PPP2R5A: variants seen among roughly 807,000 people sequenced by gnomAD.
PPP2R5A encodes the protein protein phosphatase 2 regulatory subunit B'alpha, also known as serine/threonine-protein phosphatase 2A 56 kDa regulatory subunit alpha isoform.
A neutral mutation model predicts 64.2 loss-of-function variants in PPP2R5A; 25 were observed. That is an observed-to-expected ratio of 0.39 (90% CI 0.28 to 0.54). The LOEUF is 0.54. PPP2R5A is among the 20% of genes least tolerant of loss of function. PPP2R5A has a pLI of 0.67. For synonymous variants in PPP2R5A, 198 were observed against 201.2 expected (o/e 0.98, Z 0.13); for missense variants, 425 against 576.3 (o/e 0.74, Z 2.69).
intron 1 of PPP2R5A, chr1:212,319,278 G>A (rs940471043): frequency 3.9e-4 from 60 of 152,326 alleles, no homozygotes; most frequent in African/African-American, 1.3e-3. Context: ...GCTATAAGGT[G>A]TTGTGAATTT....
intron 1 of PPP2R5A, among the ~76,000 whole-genome samples, chr1:212,328,406 A>G (rs1276741235): frequency 6.6e-6 from 1 of 152,224 alleles, no homozygotes; most frequent in Non-Finnish European, 1.5e-5. Context: ...GAAGAAGGGC[A>G]TTCCAGACAG....
rs1245658633 is a variant in PPP2R5A, at chr1:212,361,100, T to C, written c.*330T>C. ...AATTCTTCTTTGATTGTGTTGCACATAGATATGGTAGTCTGCTCTGTATAT... is the reference window on the plus strand; with the variant it reads ...AATTCTTCTTTGATTGTGTTGCACACAGATATGGTAGTCTGCTCTGTATAT... On this transcript the variant is annotated 3_prime_UTR_variant, in exon 13 of 13. Coordinates refer to ENST00000261461, the MANE Select transcript of PPP2R5A (RefSeq NM_006243.4). 1 of 172,116 alleles carries C rather than the reference T, an allele frequency of 5.8e-6. No individual in the cohort carries two copies. The highest frequency in any genetic ancestry group is 1.2e-5 in the Non-Finnish European group (1 of 81,006). The allele number at this position is 172,116 out of a possible 1,614,324, so 10.7% of individuals were successfully genotyped here.
At chr1:212,351,920 T>G (rs1207208863) in intron 8 of PPP2R5A, among the ~76,000 whole-genome samples, 2 of 151,858 alleles carry the variant, frequency 1.3e-5, no homozygotes, top group African/African-American at 4.8e-5. Context: ...ACCGTTCTTA[T>G]TCCAAGAAAA....
chr1:212,348,531 AT>A, intron 7 of PPP2R5A, 34 bp downstream of exon 7: 1 of 1,373,654 alleles, frequency 7.3e-7, no homozygotes, highest in Non-Finnish European at 1.0e-6. Context: ...TGAAATGAAT[AT>A]TATTTCAAAG....
Position 212,333,609 on chromosome 1 carries a change from T to C in PPP2R5A, c.480+11T>C. On this transcript the variant is annotated intron_variant, in intron 3 of 12. Transcript: ENST00000261461. ...TGGCCTCACATACAGGTATGGAACA[T>C]AATTACGTATTGGCAGTTTTTATAT... 1.4e-6 allele frequency: 2 copies of C among 1,419,414 alleles called. No individual in the cohort carries two copies. The highest frequency in any genetic ancestry group is 2.4e-5 in the East Asian group (1 of 41,868). 87.9% of individuals were successfully genotyped at this position (1,419,414 alleles called of 1,614,324 possible).
chr1:212,309,592 T>A, intron 1 of PPP2R5A: 1 of 655,892 alleles, frequency 1.5e-6, no homozygotes, highest in South Asian at 1.7e-5. Flanking sequence ...TACTTTAAAG[T>A]CATATATTCT....
chr1:212,316,587 C>CTTTTT (rs751228809), intron 1 of PPP2R5A, among the ~76,000 whole-genome samples: 10 of 36,690 alleles, frequency 2.7e-4, no homozygotes, highest in African/African-American at 7.2e-4. Context: ...TTGTGGGTGA[C>CTTTTT]TTTTTTTTTT....
In PPP2R5A at chr1:212,329,302, G is replaced by C; in HGVS notation, c.349G>C (p.Glu117Gln). Residue 117 changes from glutamate to glutamine, a missense_variant, in exon 2 of 13, where the codon GAA (glutamate) becomes CAA (glutamine). Physicochemically the swap from Glu to Gln is conservative, Grantham distance 29. Transcript: ENST00000261461. ...YVSTNRGVIV[E>Q]SAYSDIVKMI... The stretch of plus-strand genomic sequence containing the variant: ...TTCAACTAATCGTGGTGTAATTGTT[G>C]AATCAGCGTATTCTGATATAGTAAA... The C allele has an allele frequency of 1.2e-6, 2 of 1,605,432 alleles. No individual in the cohort carries two copies. The highest frequency in any genetic ancestry group is 2.7e-5 in the African/African-American group (2 of 74,632).
intron 1 of PPP2R5A, among the ~76,000 whole-genome samples, chr1:212,303,438 T>G (rs912938618): frequency 4.6e-5 from 7 of 152,208 alleles, no homozygotes; most frequent in Non-Finnish European, 8.8e-5. Flanking sequence ...AATTGTTATT[T>G]GTCTTTTTAT....
At chr1:212,333,065 C>A (rs1387681740) in intron 2 of PPP2R5A, among the ~76,000 whole-genome samples, 3 of 151,886 alleles carry the variant, frequency 2.0e-5, no homozygotes, top group Non-Finnish European at 4.4e-5. Context: ...CCATGCCTAG[C>A]TAATTTTTGT....
At chr1:212,317,330 G>A (rs1179822223) in intron 1 of PPP2R5A, among the ~76,000 whole-genome samples, 2 of 132,094 alleles carry the variant, frequency 1.5e-5, no homozygotes, top group Non-Finnish European at 3.3e-5. Flanking sequence ...AATCTCTAAT[G>A]GGTAACGATT....
At chr1:212,301,878 TAGC>T (rs1368174343) in intron 1 of PPP2R5A, 43 of 1,316,178 alleles carry the variant, frequency 3.3e-5, no homozygotes, top group Non-Finnish European at 4.0e-5. Flanking sequence ...TCAAGTATGT[TAGC>T]AGCAGTAATT....
At chr1:212,336,272 T>C (rs1395530597) in intron 3 of PPP2R5A, among the ~76,000 whole-genome samples, 1 of 152,094 alleles carries the variant, frequency 6.6e-6, no homozygotes, top group African/African-American at 2.4e-5. Context: ...CTTGCCACCA[T>C]GCCCAGCTAA....
At chr1:212,321,556 C>A (rs1013482577) in intron 1 of PPP2R5A, among the ~76,000 whole-genome samples, 3 of 147,240 alleles carry the variant, frequency 2.0e-5, no homozygotes, top group Non-Finnish European at 4.5e-5. Context: ...TCAGACGGGG[C>A]GGCCGGGCAG....
chr1:212,320,337 G>A (rs1252369398), intron 1 of PPP2R5A, among the ~76,000 whole-genome samples: 1 of 152,180 alleles, frequency 6.6e-6, no homozygotes, highest in Non-Finnish European at 1.5e-5. Flanking sequence ...AGTCTCCCAT[G>A]TCTACCTCTT....
At position 212,360,849 on chromosome 1, in the gene PPP2R5A, C is replaced by T; in HGVS notation, c.*79C>T. 7.2e-7 allele frequency: 1 copy of T among 1,384,736 alleles called. No individual in the cohort carries two copies. Among genetic ancestry groups the T allele is most frequent in the Non-Finnish European group, 9.6e-7 (1 of 1,043,972 alleles). The allele number at this position is 1,384,736 out of a possible 1,614,324, so 85.8% of individuals were successfully genotyped here. On this transcript the variant is annotated 3_prime_UTR_variant, in exon 13 of 13. Coordinates refer to ENST00000261461, the MANE Select transcript of PPP2R5A (RefSeq NM_006243.4). ...AATATGTAAAAATTACAAAACAAAC[C>T]TCATCAGTATAATATAATTAAAAGG...
At chr1:212,329,100 G>A in intron 1 of PPP2R5A, 35 bp from the exon 2 acceptor site, 1 of 1,383,280 alleles carries the variant, frequency 7.2e-7, no homozygotes. Context: ...TTCTGAGTAG[G>A]TTATTTCTAA....
intron 4 of PPP2R5A, among the ~76,000 whole-genome samples, chr1:212,345,059 G>T (rs1446170774): frequency 2.0e-5 from 3 of 151,852 alleles, no homozygotes; most frequent in Admixed American, 1.3e-4. Flanking sequence ...CAGCTAGTTG[G>T]GAGGCTGAGG....
chr1:212,348,497 G>GCTAGCATATTGTGTT lies in PPP2R5A; in HGVS notation c.873_873+1insCTAGCATATTGTGTT (p.Leu292_Val296dup), dbSNP rs2102444629. 1.3e-6 allele frequency: 2 copies of GCTAGCATATTGTGTT among 1,557,416 alleles called. No individual in the cohort carries two copies. Among genetic ancestry groups the GCTAGCATATTGTGTT allele is most frequent in the Non-Finnish European group, 1.8e-6 (2 of 1,137,210 alleles). ...AAGGATTAGCTTTGTTTCATGCTCA[G>GCTAGCATATTGTGTT]GTAAGTTTCAGAAACATTTCAGATG... is the stretch of plus-strand genomic sequence containing the variant. On this transcript the variant is annotated inframe_insertion and splice_region_variant. Transcript: ENST00000261461.
Sources: allele counts gnomAD v4.1 joint callset (sites outside exome capture counted in the v4.1 genomes callset), GRCh38; gene constraint gnomAD v4.1.1; transcripts MANE v1.5; gene names NCBI Gene and HGNC (gene_info 2026-07-23, HGNC 2026-07-21).